Variants in DLG2 observed in about 807,000 individuals in gnomAD.
DLG2 encodes the protein discs large MAGUK scaffold protein 2.
Under a neutral mutation model 132.5 loss-of-function variants are expected in DLG2, and 45 were observed. That is an observed-to-expected ratio of 0.34 (90% CI 0.27 to 0.44). The LOEUF (loss-of-function observed/expected upper bound fraction) is 0.44. Ranked by LOEUF, DLG2 falls within the 20% of genes least tolerant of loss-of-function variation. DLG2 has a pLI of 1.00. For missense variants in DLG2, 1,045 were observed against 1,196.9 expected (o/e 0.87, Z 1.87); for synonymous variants, 424 against 419.6 (o/e 1.01, Z -0.13).
At chr11:84,846,075 A>C (rs2081434330) in intron 6 of DLG2, among the ~76,000 whole-genome samples, 1 of 151,992 alleles carries the variant, frequency 6.6e-6, no homozygotes, top group Admixed American at 6.6e-5. Context: ...TTCTAGGTTC[A>C]GTCCTAGGTT....
intron 8 of DLG2, among the ~76,000 whole-genome samples, chr11:84,180,019 C>G (rs766642008): frequency 6.6e-6 from 1 of 152,008 alleles, no homozygotes; most frequent in Non-Finnish European, 1.5e-5. Flanking sequence ...AAAAAATGAC[C>G]AGGCATACTA....
intron 6 of DLG2, among the ~76,000 whole-genome samples, chr11:84,760,451 C>T (rs570524351): frequency 6.6e-6 from 1 of 152,250 alleles, no homozygotes; most frequent in Admixed American, 6.5e-5. Context: ...CTGGGGTTTG[C>T]CTTTCCTTAG....
intron 6 of DLG2, among the ~76,000 whole-genome samples, chr11:84,835,402 C>A (rs976262503): frequency 6.6e-6 from 1 of 151,540 alleles, no homozygotes; most frequent in Non-Finnish European, 1.5e-5. Flanking sequence ...GCTATGATTT[C>A]TTATCTACAA....
intron 3 of DLG2, among the ~76,000 whole-genome samples, chr11:85,521,726 G>T (rs2074327158): frequency 6.6e-6 from 1 of 152,170 alleles, no homozygotes; most frequent in Admixed American, 6.5e-5. Context: ...CTCAGATGAA[G>T]ATGAGGAACT....
chr11:84,737,364 A>G (rs139659813), intron 6 of DLG2, among the ~76,000 whole-genome samples: 10 of 152,112 alleles, frequency 6.6e-5, no homozygotes, highest in Non-Finnish European at 1.3e-4. Flanking sequence ...GGCCTCATGT[A>G]GTGAGTTGGA....
At chr11:85,066,026 G>T (rs1388114476) in intron 6 of DLG2, among the ~76,000 whole-genome samples, 1 of 151,522 alleles carries the variant, frequency 6.6e-6, no homozygotes, top group Admixed American at 6.6e-5. Flanking sequence ...TGAAAAGTGG[G>T]TTCTTTGAAA....
chr11:83,489,712 T>A (rs1428674985), intron 21 of DLG2, among the ~76,000 whole-genome samples: 3 of 151,966 alleles, frequency 2.0e-5, no homozygotes, highest in African/African-American at 7.2e-5. Flanking sequence ...ACCCCCTGAG[T>A]ATATTGTGAA....
chr11:84,652,374 T>C (rs759888702), intron 6 of DLG2, among the ~76,000 whole-genome samples: 23 of 152,284 alleles, frequency 1.5e-4, no homozygotes, highest in Admixed American at 3.3e-4. Flanking sequence ...ATTAGGTGTA[T>C]GGGCTATGGG....
intron 4 of DLG2, among the ~76,000 whole-genome samples, chr11:85,258,670 G>A (rs973505377): frequency 1.9e-4 from 29 of 152,208 alleles, no homozygotes; most frequent in African/African-American, 5.3e-4. Flanking sequence ...CAATGTACCC[G>A]TCTCCCAAAA....
intron 11 of DLG2, among the ~76,000 whole-genome samples, chr11:84,006,796 C>G (rs952533858): frequency 6.6e-6 from 1 of 151,460 alleles, no homozygotes; most frequent in African/African-American, 2.4e-5. Context: ...TCATTAAAAA[C>G]TCACTCTAGG....
chr11:83,601,987 A>G (rs1292205119), intron 19 of DLG2, among the ~76,000 whole-genome samples: 3 of 152,170 alleles, frequency 2.0e-5, no homozygotes, highest in African/African-American at 7.2e-5. Flanking sequence ...TCCAGCTCCC[A>G]AAGCACTTTG....
intron 11 of DLG2, among the ~76,000 whole-genome samples, chr11:84,002,160 C>G (rs1475676807): frequency 1.3e-5 from 2 of 152,096 alleles, no homozygotes; most frequent in African/African-American, 2.4e-5. Context: ...TGATAAACTA[C>G]CACCTAAAAT....
chr11:85,512,590 T>C (rs2094098330), intron 3 of DLG2, among the ~76,000 whole-genome samples: 1 of 152,104 alleles, frequency 6.6e-6, no homozygotes, highest in South Asian at 2.1e-4. Flanking sequence ...CATCATTTAA[T>C]AAATCAGTCT....
At chr11:85,292,189 A>C (rs2078936306) in intron 3 of DLG2, among the ~76,000 whole-genome samples, 1 of 152,050 alleles carries the variant, frequency 6.6e-6, no homozygotes, top group African/African-American at 2.4e-5. Context: ...AAAAGTTTTC[A>C]TTCTCCCAAT....
chr11:84,229,569 G>A (rs2097060350), intron 8 of DLG2, among the ~76,000 whole-genome samples: 2 of 152,300 alleles, frequency 1.3e-5, no homozygotes, highest in Admixed American at 6.5e-5. Flanking sequence ...CAGGGATCTT[G>A]TTAAAATGCA....
intron 6 of DLG2, among the ~76,000 whole-genome samples, chr11:85,001,919 C>G (rs2058247861): frequency 6.6e-6 from 1 of 152,106 alleles, no homozygotes; most frequent in South Asian, 2.1e-4. Flanking sequence ...ATTTTCTGCT[C>G]AATTTGGCTA....
Position 84,735,761 on chromosome 11 carries a change from C to A in DLG2, c.358-201030G>T, listed in dbSNP as rs536288325. ...CAATTTGAGATCTTTCCTGCTTTCT[C>A]TTGTGGGCATTTAGTGCTATAAATT... On this transcript the variant is annotated intron_variant, in intron 6 of 27. Transcript: ENST00000376104. Among the ~76,000 whole-genome samples, 28 of 152,148 alleles carry A rather than the reference C, an allele frequency of 1.8e-4. No individual in the cohort carries two copies. In the South Asian group the frequency reaches 5.4e-3, roughly 29 times the overall value.
intron 6 of DLG2, among the ~76,000 whole-genome samples, chr11:84,737,537 G>T (rs1021526340): frequency 6.6e-6 from 1 of 151,204 alleles, no homozygotes; most frequent in Non-Finnish European, 1.5e-5. Flanking sequence ...AATGTGATGT[G>T]TATGTATTTT....
At chr11:84,994,198 T>TA (rs1334145131) in intron 6 of DLG2, among the ~76,000 whole-genome samples, 2 of 152,210 alleles carry the variant, frequency 1.3e-5, no homozygotes, top group African/African-American at 4.8e-5. Context: ...CTCTTAGCCC[T>TA]AATACAAACG....
Sources: allele counts gnomAD v4.1 joint callset (sites outside exome capture counted in the v4.1 genomes callset), GRCh38; gene constraint gnomAD v4.1.1; transcripts MANE v1.5; gene names NCBI Gene and HGNC (gene_info 2026-07-23, HGNC 2026-07-21).